Variants in TSHZ2 observed in about 807,000 individuals in gnomAD.
The protein encoded by TSHZ2 is teashirt zinc finger homeobox 2, also known as teashirt homolog 2.
TSHZ2 carries 21 observed loss-of-function variants against 74.4 expected under a neutral mutation model. That is an observed-to-expected ratio of 0.28 (90% CI 0.20 to 0.41). The LOEUF (loss-of-function observed/expected upper bound fraction) is 0.41, where lower values mean the gene tolerates loss of function less well. Ranked by LOEUF, TSHZ2 falls within the 10% of genes least tolerant of loss-of-function variation. The pLI, the probability that TSHZ2 is intolerant of heterozygous loss-of-function variation, is 1.00. For missense variants in TSHZ2, 1,244 were observed against 1,293.5 expected (o/e 0.96, Z 0.59); for synonymous variants, 540 against 515.3 (o/e 1.05, Z -0.65).
chr20:53,144,251 A>G (rs1024069972), intron 1 of TSHZ2, among the ~76,000 whole-genome samples: 25 of 152,178 alleles, frequency 1.6e-4, no homozygotes, highest in Non-Finnish European at 2.9e-5. Context: ...CCTTGTGGCT[A>G]ATTTGTTAGT....
At chr20:53,334,766 C>T (rs563609259) in intron 2 of TSHZ2, among the ~76,000 whole-genome samples, 5 of 152,152 alleles carry the variant, frequency 3.3e-5, no homozygotes, top group African/African-American at 1.2e-4. Context: ...GCACTGCAAC[C>T]TCCGCCTCCT....
At chr20:53,191,712 C>T (rs1373787717) in intron 1 of TSHZ2, among the ~76,000 whole-genome samples, 1 of 152,180 alleles carries the variant, frequency 6.6e-6, no homozygotes, top group Non-Finnish European at 1.5e-5. Context: ...CCCTTCTTTC[C>T]TTTTGTCTTA....
chr20:53,392,912 C>T (rs952808840), intron 2 of TSHZ2, among the ~76,000 whole-genome samples: 6 of 152,088 alleles, frequency 3.9e-5, no homozygotes, highest in African/African-American at 1.4e-4. Context: ...TGGGCTCATT[C>T]AACCTCCACC....
intron 1 of TSHZ2, among the ~76,000 whole-genome samples, chr20:52,998,804 T>G (rs1982302065): frequency 6.6e-6 from 1 of 152,208 alleles, no homozygotes; most frequent in Non-Finnish European, 1.5e-5. Flanking sequence ...AGTGAACAGA[T>G]GCGTGCTCTC....
chr20:53,014,594 C>T (rs1391522615), intron 1 of TSHZ2, among the ~76,000 whole-genome samples: 1 of 152,150 alleles, frequency 6.6e-6, no homozygotes, highest in East Asian at 1.9e-4. Flanking sequence ...CTACCCTCCT[C>T]TTCCTCTTGA....
intron 1 of TSHZ2, among the ~76,000 whole-genome samples, chr20:53,190,130 TA>T (rs1487836159): frequency 4.0e-5 from 4 of 99,764 alleles, no homozygotes; most frequent in African/African-American, 1.1e-4. Context: ...TATATATATA[TA>T]TATATATTTT....
intron 1 of TSHZ2, among the ~76,000 whole-genome samples, chr20:53,099,179 G>C (rs117353545): frequency 6.6e-6 from 1 of 152,202 alleles, no homozygotes; most frequent in South Asian, 2.1e-4. Flanking sequence ...ACCCAAACAG[G>C]TGCAGGTCCT....
chr20:53,232,832 A>G (rs972574367), intron 1 of TSHZ2, among the ~76,000 whole-genome samples: 5 of 152,142 alleles, frequency 3.3e-5, no homozygotes, highest in Admixed American at 1.3e-4. Context: ...TCATCCATTC[A>G]ACAATTACTG....
chr20:53,039,943 T>C (rs1435256023), intron 1 of TSHZ2, among the ~76,000 whole-genome samples: 1 of 151,660 alleles, frequency 6.6e-6, no homozygotes, highest in Non-Finnish European at 1.5e-5. Context: ...CTGTCTCTAC[T>C]AAAAATACAA....
intron 1 of TSHZ2, among the ~76,000 whole-genome samples, chr20:53,047,989 T>C (rs1400871258): frequency 6.6e-6 from 1 of 152,168 alleles, no homozygotes; most frequent in African/African-American, 2.4e-5. Context: ...GTGGCCAAGT[T>C]AGTAAACAGG....
chr20:53,470,213 AC>A (rs1398292062), intron 2 of TSHZ2, among the ~76,000 whole-genome samples: 1 of 152,220 alleles, frequency 6.6e-6, no homozygotes, highest in Non-Finnish European at 1.5e-5. Flanking sequence ...CCACTCACCC[AC>A]ATGAAGCTGT....
At chr20:53,441,990 G>C (rs1984351691) in intron 2 of TSHZ2, among the ~76,000 whole-genome samples, 1 of 152,212 alleles carries the variant, frequency 6.6e-6, no homozygotes, top group Non-Finnish European at 1.5e-5. Flanking sequence ...TAAAGAAAAG[G>C]ATCAGCAGGT....
intron 2 of TSHZ2, among the ~76,000 whole-genome samples, chr20:53,264,986 C>A (rs1012726559): frequency 1.3e-5 from 2 of 152,122 alleles, no homozygotes; most frequent in African/African-American, 2.4e-5. Context: ...TCCCAAGAAG[C>A]GGTAAGAGTA....
intron 2 of TSHZ2, among the ~76,000 whole-genome samples, chr20:53,370,319 C>G (rs1010909471): frequency 2.0e-5 from 3 of 152,150 alleles, no homozygotes; most frequent in Non-Finnish European, 2.9e-5. Flanking sequence ...TGGGCAGGCT[C>G]TTTGTGAAGG....
At chr20:53,185,798 C>T (rs1568801150) in intron 1 of TSHZ2, 4 of 1,226,448 alleles carry the variant, frequency 3.3e-6, no homozygotes, top group Non-Finnish European at 4.5e-6. Context: ...TTAATAATCC[C>T]TTGCTTGTAT....
At chr20:53,039,240 T>C (rs1252445259) in intron 1 of TSHZ2, among the ~76,000 whole-genome samples, 1 of 152,072 alleles carries the variant, frequency 6.6e-6, no homozygotes, top group African/African-American at 2.4e-5. Flanking sequence ...TTCATCCACT[T>C]TGGAACCTAC....
rs889679116 is a variant in TSHZ2, at chr20:52,984,997, T to C, written c.40+11664T>C. On this transcript the variant is annotated intron_variant, in intron 1 of 2. Transcript: ENST00000371497. ...ACTGCAAATTGTCAGTCTATCGTTC[T>C]CTGAGCCAAAGTGGAAACCAATAAA... is the stretch of plus-strand genomic sequence containing the variant. Among the ~76,000 whole-genome samples the C allele has an allele frequency of 2.0e-5, 3 of 152,380 alleles. No homozygotes were observed. The East Asian group carries it at 5.8e-4, about 29-fold the overall frequency.
chr20:53,116,983 A>G (rs1266188272), intron 1 of TSHZ2, among the ~76,000 whole-genome samples: 1 of 152,060 alleles, frequency 6.6e-6, no homozygotes, highest in Non-Finnish European at 1.5e-5. Context: ...TGATTTCTTC[A>G]TGGGGGAGAG....
intron 2 of TSHZ2, among the ~76,000 whole-genome samples, chr20:53,438,335 C>T (rs925727526): frequency 1.3e-5 from 2 of 152,072 alleles, no homozygotes; most frequent in African/African-American, 4.8e-5. Context: ...GTCTCCAACT[C>T]CTGAGCTCAG....
Sources: allele counts gnomAD v4.1 joint callset (sites outside exome capture counted in the v4.1 genomes callset), GRCh38; gene constraint gnomAD v4.1.1; transcripts MANE v1.5; gene names NCBI Gene and HGNC (gene_info 2026-07-23, HGNC 2026-07-21).